LYPD5: variants seen among roughly 807,000 people sequenced by gnomAD.
LYPD5 encodes the protein ly6/PLAUR domain-containing protein 5.
Under a neutral mutation model 19.1 loss-of-function variants are expected in LYPD5, and 21 were observed. The ratio of observed to expected loss-of-function variants is 1.10; its 90% CI spans 0.78 to 1.58. LYPD5 has a LOEUF of 1.58. LYPD5 is among the 40% of genes most tolerant of loss of function. The pLI is 0.00. For synonymous variants in LYPD5, 128 were observed against 142.7 expected, an observed-to-expected ratio of 0.90 and a Z score of 0.74; for missense variants, 287 against 329.8, an observed-to-expected ratio of 0.87 and a Z score of 1.00.
chr19:43,799,965 AC>A, intron 1 of LYPD5, 131 bp from the exon 2 acceptor site: 1 of 1,097,568 alleles, frequency 9.1e-7, no homozygotes, highest in Non-Finnish European at 1.3e-6. Context: ...GCCTTGAGAG[AC>A]CAGGTGCTGC....
chr19:43,796,577 A>C lies in LYPD5; in HGVS notation c.*1014T>G, dbSNP rs1372460218. ...TTCCCTGATCTTTATAGCTTGGAGAATTTCACCTCGCTGAACTTTGCCTTG... is the reference window on the plus strand; with the variant it reads ...TTCCCTGATCTTTATAGCTTGGAGACTTTCACCTCGCTGAACTTTGCCTTG... On this transcript the variant is annotated 3_prime_UTR_variant, in exon 5 of 5. Transcript: ENST00000377950. The C allele has an allele frequency of 1.3e-5, 2 of 152,232 alleles. No homozygotes were observed. The highest frequency in any genetic ancestry group is 3.8e-4 in the East Asian group (2 of 5,196). The allele number at this position is 152,232 out of a possible 1,614,324, so 9.4% of individuals were successfully genotyped here.
intron 2 of LYPD5, 111 bp downstream of exon 2, chr19:43,799,591 ATCTT>A (rs1220957757): frequency 5.3e-6 from 6 of 1,135,298 alleles, no homozygotes; most frequent in East Asian, 5.7e-5. Flanking sequence ...CTCCCTCCCC[ATCTT>A]TCTATCTTTA....
At chr19:43,818,980 T>G (rs17725513) in intron 1 of LYPD5, among the ~76,000 whole-genome samples, 23,609 of 152,166 alleles carry the variant, frequency 0.16, 2,016 homozygotes, top group East Asian at 0.25. Context: ...TCAAATTTAT[T>G]CTAATTCAAA....
In LYPD5 at chr19:43,796,940, C is replaced by T. The variant is rs1036993637; in HGVS notation, c.*651G>A. On this transcript the variant is annotated 3_prime_UTR_variant, in exon 5 of 5. Coordinates refer to ENST00000377950, the MANE Select transcript of LYPD5 (RefSeq NM_001031749.3). The stretch of plus-strand genomic sequence containing the variant: ...GGCACAGAGAGCTCAAGTAACTCAC[C>T]CACAGTCTCTGCAGGCTGAATGGTG... 1.3e-5 allele frequency: 2 copies of T among 152,224 alleles called. No individual in the cohort carries two copies. The highest frequency in any genetic ancestry group is 4.8e-5 in the African/African-American group (2 of 41,438). 9.4% of individuals were successfully genotyped at this position (152,224 alleles called of 1,614,324 possible). A position where few individuals can be genotyped will look rare whatever the true frequency, so the allele number is the denominator to read the frequency against.
chr19:43,806,871 G>A (rs748032480), upstream of LYPD5, among the ~76,000 whole-genome samples: 5 of 152,162 alleles, frequency 3.3e-5, no homozygotes, highest in Non-Finnish European at 7.4e-5. Flanking sequence ...CACACAATCA[G>A]TCTCTGGTGC....
At chr19:43,800,782 G>A (rs1446160464) in intron 1 of LYPD5, among the ~76,000 whole-genome samples, 2 of 151,712 alleles carry the variant, frequency 1.3e-5, no homozygotes, top group African/African-American at 4.8e-5. Flanking sequence ...GGCAACAGGT[G>A]AAACCCCGTT....
intron 1 of LYPD5, chr19:43,800,152 T>C: frequency 4.4e-6 from 1 of 226,680 alleles, no homozygotes. Context: ...GCTCTGCCCA[T>C]CCTTCCCCAA....
chr19:43,798,381 T>C (rs972121835), intron 4 of LYPD5, 74 bp downstream of exon 4: 1 of 1,554,006 alleles, frequency 6.4e-7, no homozygotes, highest in African/African-American at 1.4e-5. Context: ...TGGGCCTGTC[T>C]GGTATCACTA....
upstream of LYPD5, among the ~76,000 whole-genome samples, chr19:43,804,146 G>C (rs10402032): frequency 0.16 from 23,670 of 151,988 alleles, 2,517 homozygotes; most frequent in East Asian, 0.46. Context: ...CCTTCTCTGC[G>C]CCTTTGAAAT....
At chr19:43,798,413 C>A in intron 4 of LYPD5, 42 bp downstream of exon 4, 2 of 1,599,922 alleles carry the variant, frequency 1.3e-6, no homozygotes, top group Non-Finnish European at 1.7e-6. Flanking sequence ...GCCCTGCCTC[C>A]ATATCCCTTG....
chr19:43,805,143 A>C (rs1351203618), upstream of LYPD5, among the ~76,000 whole-genome samples: 1 of 152,156 alleles, frequency 6.6e-6, no homozygotes, highest in Non-Finnish European at 1.5e-5. Flanking sequence ...GTTTCCACGC[A>C]TGGTTCCATT....
At chr19:43,797,932 G>T (rs1344835531) in intron 4 of LYPD5, 103 bp from the exon 5 acceptor site, 2 of 903,346 alleles carry the variant, frequency 2.2e-6, no homozygotes, top group East Asian at 2.6e-5. Flanking sequence ...CCTCAGACTT[G>T]CTTCAGGTTT....
At chr19:43,799,902 C>T (rs1970200751) in intron 1 of LYPD5, 68 bp from the exon 2 acceptor site, 6 of 1,516,714 alleles carry the variant, frequency 4.0e-6, no homozygotes, top group Non-Finnish European at 5.3e-6. Flanking sequence ...CAGAGCTCCA[C>T]CCAGCAAATG....
chr19:43,814,167 A>G (rs1013125249), intron 1 of LYPD5, among the ~76,000 whole-genome samples: 2 of 152,194 alleles, frequency 1.3e-5, no homozygotes, highest in Admixed American at 6.5e-5. Context: ...GAGCCCATGT[A>G]TATCTGCACA....
rs765673109 is a variant in LYPD5, at chr19:43,798,572, C to T, written c.400G>A (p.Glu134Lys). 8.1e-6 allele frequency: 13 copies of T among 1,611,190 alleles called. No individual in the cohort carries two copies. The East Asian group carries it at 1.1e-4, about 14-fold the overall frequency. Reference protein sequence around the residue: ...APDPPTLSGAECYACIGVHQD... With the variant: ...APDPPTLSGAKCYACIGVHQD... ...TGGACCCCGATACAGGCGTAGCACT[C>T]GGCGCCGCTGAGCGTCGGCGGGTCG... The change falls in exon 4 of 5, where the codon GAG becomes AAG. Residue 134 changes from glutamate to lysine, a missense_variant. Transcript: ENST00000377950.
At chr19:43,805,979 C>G (rs1970267350), upstream of LYPD5, among the ~76,000 whole-genome samples, 1 of 152,190 alleles carries the variant, frequency 6.6e-6, no homozygotes, top group Non-Finnish European at 1.5e-5. Context: ...CATCAAACAA[C>G]TCCCCTTTCT....
chr19:43,804,261 C>T (rs1256897994), upstream of LYPD5, among the ~76,000 whole-genome samples: 1 of 152,142 alleles, frequency 6.6e-6, no homozygotes, highest in Non-Finnish European at 1.5e-5. Flanking sequence ...AGATAGCACC[C>T]CTATCGCCCA....
chr19:43,807,280 TCTTTTTC>T (rs1568405457), upstream of LYPD5, among the ~76,000 whole-genome samples: 85 of 148,500 alleles, frequency 5.7e-4, no homozygotes, highest in Non-Finnish European at 1.1e-3. Flanking sequence ...TCTTTTCTTT[TCTTTTTC>T]TTTTTTTTTT....
At chr19:43,799,147 C>A in intron 2 of LYPD5, 159 bp from the exon 3 acceptor site, 1 of 782,428 alleles carries the variant, frequency 1.3e-6, no homozygotes, top group Non-Finnish European at 2.0e-6. Flanking sequence ...CCCCCGAGTT[C>A]TTCTCTTCCT....
Sources: allele counts gnomAD v4.1 joint callset (sites outside exome capture counted in the v4.1 genomes callset), GRCh38; gene constraint gnomAD v4.1.1; transcripts MANE v1.5; gene names NCBI Gene and HGNC (gene_info 2026-07-23, HGNC 2026-07-21).